FGGY: variants seen among roughly 807,000 people sequenced by gnomAD.
The protein encoded by FGGY is FGGY carbohydrate kinase domain-containing protein.
Under a neutral mutation model 71.3 loss-of-function variants are expected in FGGY, and 72 were observed. That is an observed-to-expected ratio of 1.01 (90% CI 0.84 to 1.23). The LOEUF (loss-of-function observed/expected upper bound fraction) is 1.23, where lower values mean the gene tolerates loss of function less well. Ranked by LOEUF, FGGY falls within the 50% of genes most tolerant of loss-of-function variation. The probability of loss-of-function intolerance (pLI) is 0.00; values close to 1 mark genes in which losing one functional copy is unlikely to be tolerated. For synonymous variants in FGGY, 251 were observed against 250.3 expected (o/e 1.00, Z -0.02); for missense variants, 668 against 682.3 (o/e 0.98, Z 0.23).
At chr1:59,629,884 C>A (rs1221392234) in intron 10 of FGGY, among the ~76,000 whole-genome samples, 1 of 152,150 alleles carries the variant, frequency 6.6e-6, no homozygotes, top group Non-Finnish European at 1.5e-5. Context: ...TTTGACGGGG[C>A]CTTGTAAACT....
chr1:59,390,477 G>A (rs948063109), intron 5 of FGGY, among the ~76,000 whole-genome samples: 1 of 152,156 alleles, frequency 6.6e-6, no homozygotes, highest in Non-Finnish European at 1.5e-5. Flanking sequence ...CATGTAGCAG[G>A]AAGAAGGAAG....
At chr1:59,382,084 T>C (rs1040370419) in intron 5 of FGGY, among the ~76,000 whole-genome samples, 3 of 152,136 alleles carry the variant, frequency 2.0e-5, no homozygotes, top group Non-Finnish European at 2.9e-5. Flanking sequence ...AACAAACCTG[T>C]GAAGAAGGGA....
chr1:59,589,433 G>T (rs368402036), intron 8 of FGGY, among the ~76,000 whole-genome samples: 1 of 151,982 alleles, frequency 6.6e-6, no homozygotes, highest in East Asian at 1.9e-4. Context: ...TGCACCAAGC[G>T]GACCTAATAG....
rs867370574 is a variant in FGGY, at chr1:59,603,263, A to G, written c.904-4540A>G. Among the ~76,000 whole-genome samples the G allele has an allele frequency of 3.9e-5, 6 of 152,336 alleles. No individual in the cohort carries two copies. In the South Asian group the frequency reaches 1.0e-3, roughly 26 times the overall value. On this transcript the variant is annotated intron_variant, in intron 8 of 15. Coordinates refer to ENST00000303721, the MANE Select transcript of FGGY (RefSeq NM_018291.5). ...GGTAATTTTGAATCTTGATTTGAACATGTCCCATAATAAGCTATTTTTCCA... is the reference window on the plus strand; with the variant it reads ...GGTAATTTTGAATCTTGATTTGAACGTGTCCCATAATAAGCTATTTTTCCA...
At chr1:59,381,710 C>G (rs2059483190) in intron 5 of FGGY, among the ~76,000 whole-genome samples, 2 of 150,862 alleles carry the variant, frequency 1.3e-5, no homozygotes, top group African/African-American at 4.9e-5. Context: ...ATACATTTTT[C>G]AAGGAAGCTG....
chr1:59,642,667 G>A (rs1465787550), intron 11 of FGGY, among the ~76,000 whole-genome samples: 8 of 149,428 alleles, frequency 5.4e-5, no homozygotes, highest in Middle Eastern at 3.6e-3. Context: ...TGTACTGTAT[G>A]CTGGGAAATA....
At chr1:59,332,091 C>T (rs1187812840) in intron 2 of FGGY, 1 of 152,178 alleles carries the variant, frequency 6.6e-6, no homozygotes, top group Non-Finnish European at 1.5e-5. Flanking sequence ...ACCATCTCCC[C>T]ACCCAATATG....
intron 1 of FGGY, among the ~76,000 whole-genome samples, chr1:59,304,348 T>G (rs957085230): frequency 6.6e-6 from 1 of 152,118 alleles, no homozygotes; most frequent in Admixed American, 6.5e-5. Flanking sequence ...CCCATTGTGT[T>G]TTTGTTGCTT....
Position 59,410,277 on chromosome 1 carries a change from A to T in FGGY, c.554+31440A>T, listed in dbSNP as rs554358299. ...TGATGGATCTTGTTACCATATGTGAATATCTGTGTGTACTAGGCACGGTAC... is the reference window on the plus strand; with the variant it reads ...TGATGGATCTTGTTACCATATGTGATTATCTGTGTGTACTAGGCACGGTAC... On this transcript the variant is annotated intron_variant, in intron 5 of 15. Transcript: ENST00000303721. Among the ~76,000 whole-genome samples, 25 of 152,290 alleles carry T rather than the reference A, an allele frequency of 1.6e-4. No individual in the cohort carries two copies. The South Asian group carries it at 4.8e-3, about 29-fold the overall frequency.
intron 9 of FGGY, among the ~76,000 whole-genome samples, chr1:59,615,108 C>A (rs2096736771): frequency 6.6e-6 from 1 of 152,192 alleles, no homozygotes; most frequent in African/African-American, 2.4e-5. Flanking sequence ...CCATCCCCAT[C>A]AAGCTACTGA....
At chr1:59,327,837 G>T (rs2047712755) in intron 2 of FGGY, among the ~76,000 whole-genome samples, 5 of 152,182 alleles carry the variant, frequency 3.3e-5, no homozygotes. Flanking sequence ...ATCTTCATCA[G>T]AACTCTTTGG....
intron 5 of FGGY, among the ~76,000 whole-genome samples, chr1:59,407,002 A>C (rs569929635): frequency 6.6e-6 from 1 of 152,144 alleles, no homozygotes; most frequent in South Asian, 2.1e-4. Flanking sequence ...CAGGGGGTTG[A>C]CCCCTGCCCC....
chr1:59,488,564 GTATC>G (rs1222884440), intron 6 of FGGY, among the ~76,000 whole-genome samples: 1 of 147,796 alleles, frequency 6.8e-6, no homozygotes, highest in Non-Finnish European at 1.5e-5. Context: ...TATATTATAT[GTATC>G]TATAATAAAA....
intron 6 of FGGY, among the ~76,000 whole-genome samples, chr1:59,461,735 CAGCCAGA>C (rs1172764538): frequency 6.6e-6 from 1 of 152,066 alleles, no homozygotes; most frequent in Non-Finnish European, 1.5e-5. Context: ...GAAACTCTAC[CAGCCAGA>C]AGAGAGTGGA....
intron 13 of FGGY, among the ~76,000 whole-genome samples, chr1:59,671,531 T>G: frequency 6.6e-6 from 1 of 151,786 alleles, no homozygotes; most frequent in African/African-American, 2.4e-5. Flanking sequence ...TCAGAGTAGG[T>G]GGAGGGAGGA....
In FGGY at chr1:59,570,703, A is replaced by G. The variant is rs192378014; in HGVS notation, c.903+16476A>G. On this transcript the variant is annotated intron_variant, in intron 8 of 15. Transcript: ENST00000303721. ...AACCACAAAGGCCTGAGATCTTTCA[A>G]TGTAAATAGGAAGTCAGAGTTTACT... 5.7e-3 allele frequency among the ~76,000 whole-genome samples: 865 copies of G among 152,292 alleles called. 9 individuals are homozygous for G. Among genetic ancestry groups the G allele is most frequent in the Non-Finnish European group, 6.5e-3 (441 of 68,016 alleles).
At chr1:59,337,341 A>G (rs2049807797) in intron 2 of FGGY, among the ~76,000 whole-genome samples, 1 of 152,138 alleles carries the variant, frequency 6.6e-6, no homozygotes, top group Non-Finnish European at 1.5e-5. Context: ...GCCTCACTGC[A>G]AAAGGGAGAG....
At chr1:59,371,766 G>C (rs1244916368) in intron 4 of FGGY, among the ~76,000 whole-genome samples, 1 of 152,016 alleles carries the variant, frequency 6.6e-6, no homozygotes, top group South Asian at 2.1e-4. Flanking sequence ...ACTCAAAACT[G>C]CTCAACTACA....
intron 6 of FGGY, among the ~76,000 whole-genome samples, chr1:59,471,993 T>A (rs1033972761): frequency 5.9e-5 from 9 of 152,236 alleles, no homozygotes; most frequent in Admixed American, 4.6e-4. Flanking sequence ...CCTCGCTCGC[T>A]CTCCGCGCCT....
Sources: gnomAD v4.1 joint callset for allele counts (sites outside exome capture counted in the v4.1 genomes callset) on GRCh38, gnomAD v4.1.1 for gene constraint, MANE v1.5 for transcripts, NCBI Gene and HGNC (gene_info 2026-07-23, HGNC 2026-07-21) for gene names.